Variants in SORCS1 observed in about 807,000 individuals in gnomAD.
The protein encoded by SORCS1 is VPS10 domain-containing receptor SorCS1.
SORCS1 carries 60 observed loss-of-function variants against 146.1 expected under a neutral mutation model. The ratio of observed to expected loss-of-function variants is 0.41; its 90% CI spans 0.33 to 0.51. The LOEUF is 0.51. Among genes scored for constraint, SORCS1 ranks in the 20% least tolerant of loss-of-function variants. SORCS1 has a pLI of 0.21. For missense variants in SORCS1, 1,352 were observed against 1,487.6 expected (o/e 0.91, Z 1.50); for synonymous variants, 637 against 584.0 (o/e 1.09, Z -1.31).
At chr10:107,108,339 G>C (rs1400017207) in intron 1 of SORCS1, among the ~76,000 whole-genome samples, 1 of 152,170 alleles carries the variant, frequency 6.6e-6, no homozygotes, top group Non-Finnish European at 1.5e-5. Flanking sequence ...AGAAAGCATG[G>C]TGCTGGCATC....
At chr10:106,942,648 T>C (rs1021666639) in intron 2 of SORCS1, among the ~76,000 whole-genome samples, 1 of 152,102 alleles carries the variant, frequency 6.6e-6, no homozygotes, top group Non-Finnish European at 1.5e-5. Context: ...GGAAAGCTGA[T>C]TTGTGGGAGT....
chr10:107,070,755 A>G (rs1479438753), intron 1 of SORCS1, among the ~76,000 whole-genome samples: 1 of 152,222 alleles, frequency 6.6e-6, no homozygotes, highest in Admixed American at 6.5e-5. Context: ...TTTCAAAACA[A>G]AAATTGTCAT....
chr10:106,584,697 C>T (rs1322472056), intron 24 of SORCS1, among the ~76,000 whole-genome samples: 2 of 152,160 alleles, frequency 1.3e-5, no homozygotes, highest in Non-Finnish European at 2.9e-5. Context: ...TCATTGTTTG[C>T]CCAAATAAAC....
At chr10:106,947,594 A>G (rs1954419045) in intron 2 of SORCS1, among the ~76,000 whole-genome samples, 1 of 152,206 alleles carries the variant, frequency 6.6e-6, no homozygotes, top group South Asian at 2.1e-4. Flanking sequence ...CTGTAATCCC[A>G]GCACTTTGGG....
rs755954742 is a variant in SORCS1 at position 106,607,316 on chromosome 10, G to A, written c.3034-19C>T. 6.2e-7 allele frequency: 1 copy of A among 1,613,380 alleles called. No individual in the cohort carries two copies. Among genetic ancestry groups the A allele is most frequent in the South Asian group, 1.1e-5 (1 of 90,982 alleles). On this transcript the variant is annotated intron_variant, in intron 22 of 25. Coordinates refer to ENST00000263054, the MANE Select transcript of SORCS1 (RefSeq NM_052918.5). ...CTGTGGCCTGAGGGACAGACACAGG[G>A]GCTCACATTAGTGCTGCAGAGAAGA...
rs1025808553 is a variant in SORCS1 at position 107,164,222 on chromosome 10, G to A, written c.305C>T (p.Ala102Val). The A allele has an allele frequency of 1.5e-5, 24 of 1,607,858 alleles. No homozygotes were observed. The highest frequency in any genetic ancestry group is 2.7e-5 in the African/African-American group (2 of 74,932). The change falls in exon 1 of 26, where the codon GCT (alanine) becomes GTT (valine). Residue 102 changes from alanine (A) to valine (V), a missense_variant. Physicochemically the swap from Ala to Val is moderately conservative, Grantham distance 64. Around this residue, in one of 3 missense-constraint regions of SORCS1, gnomAD observed 490 missense variants for 489.1 expected, o/e 1.00. Transcript: ENST00000263054. The surrounding 1 kb of genome is among the most constrained non-coding windows in gnomAD (Gnocchi z 6.8). ...CCGTCTCCTCCGGCCGGAGCGTGCA[G>A]CAACCGCCATGGATGCCCCAGTGCC... ...ARGTGASMAV[A>V]ARSGRRRRSG...
At chr10:107,084,888 A>G (rs962168520) in intron 1 of SORCS1, among the ~76,000 whole-genome samples, 1 of 152,220 alleles carries the variant, frequency 6.6e-6, no homozygotes, top group African/African-American at 2.4e-5. Context: ...AAACACTAGA[A>G]TCAATCGTTC....
At chr10:106,922,834 GTGTT>G (rs1246801646) in intron 2 of SORCS1, among the ~76,000 whole-genome samples, 1 of 151,436 alleles carries the variant, frequency 6.6e-6, no homozygotes, top group Non-Finnish European at 1.5e-5. Context: ...GAAGTCCTCT[GTGTT>G]TGATCTATTC....
rs149856220 is a variant in SORCS1 at position 106,965,906 on chromosome 10, G to A, written c.559-9326C>T. Among the ~76,000 whole-genome samples the A allele has an allele frequency of 1.8e-4, 27 of 152,266 alleles. No homozygotes were observed. The East Asian group carries it at 5.2e-3, about 29-fold the overall frequency. ...GCTGGAATATATTTTCCTGATCATA[G>A]ACATGCTTGAGTTTTTACTCTTTAC... On this transcript the variant is annotated intron_variant, in intron 1 of 25. Transcript: ENST00000263054.
intron 2 of SORCS1, among the ~76,000 whole-genome samples, chr10:106,872,096 A>G (rs7075966): frequency 0.48 from 73,639 of 152,116 alleles, 18,273 homozygotes; most frequent in African/African-American, 0.6. Context: ...ATAAACAAAC[A>G]TATAAGTAAT....
At chr10:106,643,119 C>T (rs1001999043) in intron 18 of SORCS1, among the ~76,000 whole-genome samples, 1 of 152,190 alleles carries the variant, frequency 6.6e-6, no homozygotes, top group African/African-American at 2.4e-5. Flanking sequence ...CTGGATTAGA[C>T]CCTAGGCTCT....
chr10:106,880,385 G>T (rs1950763820), intron 2 of SORCS1, among the ~76,000 whole-genome samples: 1 of 152,106 alleles, frequency 6.6e-6, no homozygotes, highest in Non-Finnish European at 1.5e-5. Context: ...ACATATTTAG[G>T]AAAACAAAAT....
chr10:106,807,698 C>T (rs1023795111), intron 3 of SORCS1, among the ~76,000 whole-genome samples: 1 of 152,222 alleles, frequency 6.6e-6, no homozygotes, highest in Non-Finnish European at 1.5e-5. Flanking sequence ...ATAACAAAAG[C>T]CTCTTCCCAT....
chr10:106,906,233 G>A (rs1564795962), intron 2 of SORCS1, among the ~76,000 whole-genome samples: 1 of 152,194 alleles, frequency 6.6e-6, no homozygotes, highest in South Asian at 2.1e-4. Flanking sequence ...TCCTGCCTCA[G>A]CCTCCCAAAT....
chr10:106,951,513 G>GGAAAAAAAAAAAAAAAA (rs1554892873), intron 2 of SORCS1, among the ~76,000 whole-genome samples: 1 of 113,988 alleles, frequency 8.8e-6, no homozygotes. Flanking sequence ...CTCCGTCTCT[G>GGAAAAAAAAAAAAAAAA]AAAAAAAAAA....
intron 1 of SORCS1, among the ~76,000 whole-genome samples, chr10:107,095,810 C>A (rs1223462563): frequency 6.6e-6 from 1 of 152,012 alleles, no homozygotes; most frequent in African/African-American, 2.4e-5. Flanking sequence ...GGTTACCTCC[C>A]ATCCAAGGAG....
chr10:106,931,923 T>C (rs1051646425), intron 2 of SORCS1, among the ~76,000 whole-genome samples: 1 of 152,202 alleles, frequency 6.6e-6, no homozygotes, highest in African/African-American at 2.4e-5. Context: ...ATGCTGGTCA[T>C]ACATGCTAGT....
At chr10:106,620,008 T>G (rs1465942574) in intron 20 of SORCS1, 1 of 153,748 alleles carries the variant, frequency 6.5e-6, no homozygotes, top group East Asian at 1.9e-4. Context: ...TCTCCCCTTC[T>G]GTAGTTCACG....
chr10:106,891,619 C>G (rs1324284861), intron 2 of SORCS1, among the ~76,000 whole-genome samples: 3 of 151,326 alleles, frequency 2.0e-5, no homozygotes, highest in Non-Finnish European at 4.4e-5. Context: ...CCCACTTTGG[C>G]CTTCCAAGTC....
Sources: allele counts gnomAD v4.1 joint callset (sites outside exome capture counted in the v4.1 genomes callset), GRCh38; gene constraint gnomAD v4.1.1; regional missense constraint gnomAD v4.1.1; non-coding constraint Gnocchi (gnomAD v3.1); transcripts MANE v1.5; gene names NCBI Gene and HGNC (gene_info 2026-07-23, HGNC 2026-07-21).